Variants in AK4 observed in about 807,000 individuals in gnomAD.
AK4 encodes the protein adenylate kinase 4, mitochondrial.
Under a neutral mutation model 24.6 loss-of-function variants are expected in AK4, and 13 were observed. The ratio of observed to expected loss-of-function variants is 0.53; its 90% CI spans 0.34 to 0.84. The LOEUF (loss-of-function observed/expected upper bound fraction) is 0.84. AK4 is among the 40% of genes least tolerant of loss of function. AK4 has a pLI of 0.01. For missense variants in AK4, 192 were observed against 288.2 expected (o/e 0.67, Z 2.42); for synonymous variants, 88 against 107.0 (o/e 0.82, Z 1.10).
chr1:65,228,540 T>G lies in AK4; in HGVS notation c.*2363T>G, dbSNP rs1419910491. On this transcript the variant is annotated 3_prime_UTR_variant, in exon 5 of 5. Transcript: ENST00000327299. ...CTAGTTGAGACCAAAAAGAGACAAA[T>G]AACTTTTTCATGGTCTTTGAAACAT... 6.6e-6 allele frequency: 1 copy of G among 152,140 alleles called. No homozygotes were observed. The highest frequency in any genetic ancestry group is 1.5e-5 in the Non-Finnish European group (1 of 68,036). The allele number at this position is 152,140 out of a possible 1,614,324, so 9.4% of individuals were successfully genotyped here. A position where few individuals can be genotyped will look rare whatever the true frequency, so the allele number is the denominator to read the frequency against.
chr1:65,175,569 T>G (rs1557446277), intron 1 of AK4, among the ~76,000 whole-genome samples: 1 of 152,196 alleles, frequency 6.6e-6, no homozygotes, highest in Non-Finnish European at 1.5e-5. Flanking sequence ...GCTTTAAAAG[T>G]GACATTCCTC....
chr1:65,211,674 C>G (rs902388537), intron 2 of AK4, among the ~76,000 whole-genome samples: 8 of 152,228 alleles, frequency 5.3e-5, no homozygotes, highest in African/African-American at 1.9e-4. Flanking sequence ...AATATTTACT[C>G]ATTCAACAAA....
chr1:65,195,416 C>T (rs1247320949), intron 2 of AK4, among the ~76,000 whole-genome samples: 3 of 152,206 alleles, frequency 2.0e-5, no homozygotes, highest in South Asian at 2.1e-4. Flanking sequence ...TTTGCCACCA[C>T]GTAACAGTAA....
chr1:65,229,619 G>T lies in AK4; in HGVS notation c.*3442G>T, dbSNP rs188929791. ...TTTCTTAGCTTAAGAAAAGAAAGCT[G>T]CTAGATGAGAGTCTTAGTTTTCCTG... On this transcript the variant is annotated 3_prime_UTR_variant, in exon 5 of 5. Coordinates refer to ENST00000327299, the MANE Select transcript of AK4 (RefSeq NM_013410.4). 6.6e-6 allele frequency: 1 copy of T among 152,124 alleles called. No homozygotes were observed. The highest frequency in any genetic ancestry group is 1.9e-4 in the East Asian group (1 of 5,166). The allele number at this position is 152,124 out of a possible 1,614,324, so 9.4% of individuals were successfully genotyped here. A position where few individuals can be genotyped will look rare whatever the true frequency, so the allele number is the denominator to read the frequency against.
At chr1:65,215,164 C>CTTTTCT (rs149142483) in intron 2 of AK4, among the ~76,000 whole-genome samples, 2 of 115,406 alleles carry the variant, frequency 1.7e-5, no homozygotes, top group African/African-American at 7.7e-5. Flanking sequence ...CTTTTCTTTT[C>CTTTTCT]TTTCTTTCTT....
At chr1:65,199,441 C>T (rs1777406) in intron 2 of AK4, among the ~76,000 whole-genome samples, 18 of 151,874 alleles carry the variant, frequency 1.2e-4, no homozygotes, top group African/African-American at 3.1e-4. Flanking sequence ...CCCAGCTACT[C>T]GGGAGGCTAA....
At chr1:65,159,659 C>T (rs889648215) in intron 1 of AK4, among the ~76,000 whole-genome samples, 5 of 149,800 alleles carry the variant, frequency 3.3e-5, no homozygotes, top group African/African-American at 9.9e-5. Context: ...GGCAACAGAG[C>T]GAAAACCTTC....
Position 65,148,560 on chromosome 1 carries a change from G to C in AK4, c.145+8G>C, listed in dbSNP as rs200243581. The C allele has an allele frequency of 1.7e-3, 2,714 of 1,597,342 alleles. 47 individuals carry two copies. In the African/African-American group the frequency reaches 0.031, roughly 18 times the overall value. ...ACATCAAGGCCAGCACCGGTGAGGG[G>C]CTGCGGGGACGAGGGCCGGGGGCGA... On this transcript the variant is annotated splice_region_variant and intron_variant, in intron 1 of 4. Transcript: ENST00000327299.
chr1:65,188,981 C>G (rs1434730871), intron 1 of AK4, among the ~76,000 whole-genome samples: 1 of 151,638 alleles, frequency 6.6e-6, no homozygotes, highest in Non-Finnish European at 1.5e-5. Flanking sequence ...TGCTCTGTCA[C>G]CCAGTGCAGT....
intron 1 of AK4, among the ~76,000 whole-genome samples, chr1:65,180,809 CG>C (rs1650878184): frequency 3.3e-5 from 5 of 152,004 alleles, no homozygotes; most frequent in Admixed American, 2.0e-4. Flanking sequence ...TATGTGTGTG[CG>C]CAGGTGCGCA....
chr1:65,180,810 G>GCAGGTGCGCACACACGTGTGCA (rs969199758), intron 1 of AK4, among the ~76,000 whole-genome samples: 6 of 152,082 alleles, frequency 3.9e-5, no homozygotes, highest in African/African-American at 1.2e-4. Flanking sequence ...ATGTGTGTGC[G>GCAGGTGCGCACACACGTGTGCA]CAGGTGCGCA....
At chr1:65,201,852 G>A (rs1379976338) in intron 2 of AK4, among the ~76,000 whole-genome samples, 1 of 152,202 alleles carries the variant, frequency 6.6e-6, no homozygotes, top group Non-Finnish European at 1.5e-5. Context: ...AAAAGCTCTA[G>A]AGGTATGAAA....
At chr1:65,210,868 G>A (rs1326631352) in intron 2 of AK4, among the ~76,000 whole-genome samples, 1 of 152,140 alleles carries the variant, frequency 6.6e-6, no homozygotes, top group Admixed American at 6.6e-5. Context: ...TATGAATTAG[G>A]TATTACTATT....
chr1:65,184,576 G>A (rs1651023850), intron 1 of AK4, among the ~76,000 whole-genome samples: 1 of 152,220 alleles, frequency 6.6e-6, no homozygotes, highest in South Asian at 2.1e-4. Context: ...TTCAGAAGCT[G>A]TGTGGGACCA....
At position 65,163,253 on chromosome 1, in the gene AK4, G is replaced by A. The variant is rs369811244; in HGVS notation, c.145+14701G>A. ...GAATGAAGGTTCGTTTCTTCTCATC[G>A]TCAACTTTTACCTTCTGATAAAAGA... On this transcript the variant is annotated intron_variant, in intron 1 of 4. Coordinates refer to ENST00000327299, the MANE Select transcript of AK4 (RefSeq NM_013410.4). 1.2e-3 allele frequency among the ~76,000 whole-genome samples: 177 copies of A among 152,254 alleles called. 7 individuals carry two copies. The South Asian group carries it at 0.035, about 30-fold the overall frequency.
chr1:65,185,732 T>A (rs560138786), intron 1 of AK4, among the ~76,000 whole-genome samples: 1 of 150,350 alleles, frequency 6.7e-6, no homozygotes, highest in East Asian at 2.0e-4. Flanking sequence ...TGCCTCAGCC[T>A]CCCCAGTAGC....
chr1:65,162,489 TA>T (rs1038173912), intron 1 of AK4, among the ~76,000 whole-genome samples: 1 of 152,132 alleles, frequency 6.6e-6, no homozygotes, highest in Admixed American at 6.5e-5. Flanking sequence ...TTTTATTTTT[TA>T]TACGTAACAG....
intron 2 of AK4, among the ~76,000 whole-genome samples, chr1:65,204,889 T>C (rs1289343652): frequency 5.9e-5 from 9 of 152,238 alleles, no homozygotes; most frequent in African/African-American, 2.2e-4. Context: ...TACCCACCTC[T>C]ACTCATTTTA....
At chr1:65,169,252 C>T (rs1042111208) in intron 1 of AK4, among the ~76,000 whole-genome samples, 6 of 151,758 alleles carry the variant, frequency 4.0e-5, no homozygotes, top group African/African-American at 1.5e-4. Flanking sequence ...TATCATTCAG[C>T]GGTGAACAAC....
Sources: allele counts gnomAD v4.1 joint callset (sites outside exome capture counted in the v4.1 genomes callset), GRCh38; gene constraint gnomAD v4.1.1; transcripts MANE v1.5; gene names NCBI Gene and HGNC (gene_info 2026-07-23, HGNC 2026-07-21).